TBXAS1: variants seen among roughly 807,000 people sequenced by gnomAD.
TBXAS1 encodes the protein thromboxane A synthase 1, also known as thromboxane-A synthase.
Under a neutral mutation model 60.7 loss-of-function variants are expected in TBXAS1, and 48 were observed. The observed-to-expected ratio is 0.79, with a 90% CI of 0.63 to 1.01. The LOEUF (loss-of-function observed/expected upper bound fraction) is 1.01. Among genes scored for constraint, TBXAS1 ranks in the 50% least tolerant of loss-of-function variants. The pLI is 0.00. For missense variants in TBXAS1, 685 were observed against 686.3 expected (o/e 1.00, Z 0.02); for synonymous variants, 287 against 269.7 (o/e 1.06, Z -0.63).
intron 9 of TBXAS1, among the ~76,000 whole-genome samples, chr7:139,992,281 G>T (rs1427679058): frequency 1.3e-5 from 2 of 152,180 alleles, no homozygotes; most frequent in African/African-American, 4.8e-5. Flanking sequence ...GGCTATCAAG[G>T]CTCTGAGGCA....
At chr7:139,929,373 T>C (rs1210914571) in intron 4 of TBXAS1, among the ~76,000 whole-genome samples, 2 of 152,044 alleles carry the variant, frequency 1.3e-5, no homozygotes, top group African/African-American at 4.8e-5. Context: ...CTAATTCCGA[T>C]TGGCTAATTT....
chr7:139,882,470 G>A (rs898499568), intron 3 of TBXAS1, among the ~76,000 whole-genome samples: 1 of 152,220 alleles, frequency 6.6e-6, no homozygotes, highest in African/African-American at 2.4e-5. Flanking sequence ...TTAAGCCACC[G>A]TTGTGGAAGA....
intron 4 of TBXAS1, among the ~76,000 whole-genome samples, chr7:139,793,146 G>A (rs541807719): frequency 1.3e-5 from 2 of 152,190 alleles, no homozygotes; most frequent in Non-Finnish European, 2.9e-5. Flanking sequence ...CAGGTGCAGT[G>A]GGTCACACCT....
chr7:139,945,900 G>C (rs1044459705), intron 5 of TBXAS1, among the ~76,000 whole-genome samples: 2 of 152,224 alleles, frequency 1.3e-5, no homozygotes, highest in Admixed American at 6.5e-5. Context: ...GGGAAGATCT[G>C]CTTCTAAGCC....
At chr7:139,926,025 T>A (rs1034110922) in intron 4 of TBXAS1, among the ~76,000 whole-genome samples, 1 of 152,226 alleles carries the variant, frequency 6.6e-6, no homozygotes, top group Non-Finnish European at 1.5e-5. Flanking sequence ...ATTGTTGAAC[T>A]CAGTTTGCTA....
At chr7:139,997,222 C>G (rs1283628087) in intron 9 of TBXAS1, among the ~76,000 whole-genome samples, 1 of 152,166 alleles carries the variant, frequency 6.6e-6, no homozygotes, top group Non-Finnish European at 1.5e-5. Flanking sequence ...TAGAGGGAAC[C>G]AGGATCTGTG....
Position 139,962,165 on chromosome 7 carries a change from C to T in TBXAS1, c.1066C>T (p.Leu356=), listed in dbSNP as rs4529. The part of the protein sequence containing the change: ...ITNTLSFATY[L]LATNPDCQEK... ...CAACACACTTTCTTTTGCCACCTAC[C>T]TACTGGCCACCAACCCTGACTGCCA... Residue 356 remains leucine, a synonymous_variant, in exon 9 of 13, where the codon CTA becomes TTA. Coordinates refer to ENST00000448866, the MANE Select transcript of TBXAS1 (RefSeq NM_001061.7). 6.2e-7 allele frequency: 1 copy of T among 1,614,148 alleles called. No homozygotes were observed. The highest frequency in any genetic ancestry group is 8.5e-7 in the Non-Finnish European group (1 of 1,180,038).
chr7:139,974,696 C>T (rs537197114), intron 9 of TBXAS1, among the ~76,000 whole-genome samples: 1 of 152,316 alleles, frequency 6.6e-6, no homozygotes, highest in East Asian at 1.9e-4. Flanking sequence ...GCATTACGTA[C>T]ATATAGCTAC....
intron 1 of TBXAS1, among the ~76,000 whole-genome samples, chr7:139,858,456 A>G (rs1388913348): frequency 1.3e-5 from 2 of 152,202 alleles, no homozygotes; most frequent in African/African-American, 4.8e-5. Flanking sequence ...ATGTATTTAA[A>G]CTGGGACTGA....
At chr7:139,981,838 C>T (rs1304916427) in intron 9 of TBXAS1, among the ~76,000 whole-genome samples, 3 of 152,138 alleles carry the variant, frequency 2.0e-5, no homozygotes, top group Non-Finnish European at 2.9e-5. Context: ...TCAGTGCCAC[C>T]AAAATGCAGA....
intron 5 of TBXAS1, among the ~76,000 whole-genome samples, chr7:139,951,069 C>T (rs529566673): frequency 6.6e-6 from 1 of 152,206 alleles, no homozygotes; most frequent in Non-Finnish European, 1.5e-5. Context: ...CCAGGTGTCT[C>T]CAACCAACTG....
chr7:139,969,886 A>T (rs1318998155), intron 9 of TBXAS1, among the ~76,000 whole-genome samples: 1 of 152,212 alleles, frequency 6.6e-6, no homozygotes, highest in Non-Finnish European at 1.5e-5. Context: ...GGGACAAGGG[A>T]AGAGGCAAAA....
chr7:139,998,737 A>G (rs1440241482), intron 9 of TBXAS1, among the ~76,000 whole-genome samples: 1 of 152,182 alleles, frequency 6.6e-6, no homozygotes, highest in Non-Finnish European at 1.5e-5. Context: ...ACTGTCAGTG[A>G]AGCTCAGCCC....
intron 5 of TBXAS1, among the ~76,000 whole-genome samples, chr7:139,940,336 G>C (rs1808189593): frequency 6.6e-6 from 1 of 152,146 alleles, no homozygotes; most frequent in South Asian, 2.1e-4. Flanking sequence ...TAATCTCCCA[G>C]CTGCCTTTGT....
chr7:139,965,307 A>G (rs936705603), intron 9 of TBXAS1, among the ~76,000 whole-genome samples: 16 of 152,174 alleles, frequency 1.1e-4, no homozygotes, highest in African/African-American at 3.6e-4. Flanking sequence ...ACATTACAGC[A>G]GGTCAAATTT....
intron 4 of TBXAS1, among the ~76,000 whole-genome samples, chr7:139,818,053 T>C (rs1212136988): frequency 6.6e-6 from 1 of 152,232 alleles, no homozygotes; most frequent in African/African-American, 2.4e-5. Flanking sequence ...GGATACATTG[T>C]TGAACCAGAT....
chr7:139,901,213 A>G lies in TBXAS1; in HGVS notation c.237-10012A>G, dbSNP rs1804540226. Among the ~76,000 whole-genome samples the G allele has an allele frequency of 2.0e-5, 3 of 152,152 alleles. No individual in the cohort carries two copies. The South Asian group carries it at 6.2e-4, about 31-fold the overall frequency. On this transcript the variant is annotated intron_variant, in intron 3 of 12. Transcript: ENST00000448866. ...TTTGTAAATATAAATTCACAAGATT[A>G]CACAATTTACATGTAAAATGGGACC... is the stretch of plus-strand genomic sequence containing the variant.
Position 139,929,325 on chromosome 7 carries a change from G to C in TBXAS1, c.334-6866G>C, listed in dbSNP as rs553624146. 2.6e-5 allele frequency among the ~76,000 whole-genome samples: 4 copies of C among 152,270 alleles called. No individual in the cohort carries two copies. The East Asian group carries it at 7.7e-4, about 29-fold the overall frequency. ...CGCACGTGGCCCCTGCTGTTCTGTC[G>C]TTCCCCTATTGGCTGGGGTTAGACC... is the stretch of plus-strand genomic sequence containing the variant. On this transcript the variant is annotated intron_variant, in intron 4 of 12. Coordinates refer to ENST00000448866, the MANE Select transcript of TBXAS1 (RefSeq NM_001061.7).
intron 4 of TBXAS1, among the ~76,000 whole-genome samples, chr7:139,805,710 C>CT (rs35213211): frequency 2.9e-4 from 12 of 41,606 alleles, no homozygotes; most frequent in Admixed American, 2.3e-3. Context: ...TTCTTTCTTT[C>CT]TTTCTCTCTC....
Sources: allele counts gnomAD v4.1 joint callset (sites outside exome capture counted in the v4.1 genomes callset), GRCh38; gene constraint gnomAD v4.1.1; transcripts MANE v1.5; gene names NCBI Gene and HGNC (gene_info 2026-07-23, HGNC 2026-07-21).